TRIM4: variants seen among roughly 807,000 people sequenced by gnomAD.
TRIM4 encodes the protein E3 ubiquitin-protein ligase TRIM4.
Under a neutral mutation model 33.7 loss-of-function variants are expected in TRIM4, and 29 were observed. The observed-to-expected ratio is 0.86, with a 90% CI of 0.64 to 1.17. The LOEUF (loss-of-function observed/expected upper bound fraction) is 1.17. Among genes scored for constraint, TRIM4 ranks in the 50% most tolerant of loss-of-function variants. The probability of loss-of-function intolerance (pLI) is 0.00; values close to 1 mark genes in which losing one functional copy is unlikely to be tolerated. For synonymous variants in TRIM4, 224 were observed against 233.0 expected (o/e 0.96, Z 0.35); for missense variants, 554 against 593.7 (o/e 0.93, Z 0.69).
chr7:99,894,299 A>C (rs922812604), intron 5 of TRIM4, among the ~76,000 whole-genome samples: 1 of 152,208 alleles, frequency 6.6e-6, no homozygotes, highest in Non-Finnish European at 1.5e-5. Context: ...TTCCCTCTTC[A>C]TCAATTTTCA....
chr7:99,909,449 T>A, intron 2 of TRIM4, 116 bp downstream of exon 2: 1 of 778,308 alleles, frequency 1.3e-6, no homozygotes. Context: ...TTCTGAGGCA[T>A]CCAAGACTCT....
intron 1 of TRIM4, 52 bp from the exon 2 acceptor site, chr7:99,909,712 T>G: frequency 8.8e-7 from 1 of 1,132,586 alleles, no homozygotes; most frequent in African/African-American, 1.6e-5. Context: ...ACCATCATCA[T>G]CTTCTTTTTT....
intron 5 of TRIM4, among the ~76,000 whole-genome samples, chr7:99,898,738 T>C (rs1819083120): frequency 6.6e-6 from 1 of 152,200 alleles, no homozygotes; most frequent in African/African-American, 2.4e-5. Context: ...TAAAATCGCA[T>C]GGCCCTGGAT....
chr7:99,894,977 A>G (rs753581827), intron 5 of TRIM4, among the ~76,000 whole-genome samples: 2 of 152,142 alleles, frequency 1.3e-5, no homozygotes. Flanking sequence ...CATTTTGATT[A>G]AAGGTGTGTC....
At chr7:99,893,203 G>T (rs1317389421) in intron 5 of TRIM4, among the ~76,000 whole-genome samples, 1 of 152,140 alleles carries the variant, frequency 6.6e-6, no homozygotes, top group South Asian at 2.1e-4. Context: ...GAAGGCGGAG[G>T]TTGTAGTGAC....
intron 2 of TRIM4, among the ~76,000 whole-genome samples, chr7:99,909,182 CTGTT>C (rs1819380131): frequency 6.6e-6 from 1 of 150,780 alleles, no homozygotes; most frequent in Non-Finnish European, 1.5e-5. Context: ...ATCCATTCAT[CTGTT>C]TCTTTCCACA....
chr7:99,918,454 A>C (rs1819607734), intron 1 of TRIM4, among the ~76,000 whole-genome samples: 1 of 151,922 alleles, frequency 6.6e-6, no homozygotes, highest in Non-Finnish European at 1.5e-5. Flanking sequence ...AATCCCAGCT[A>C]CTCGGGAGGC....
At chr7:99,913,227 T>C (rs2571999) in intron 1 of TRIM4, among the ~76,000 whole-genome samples, 2 of 152,052 alleles carry the variant, frequency 1.3e-5, no homozygotes, top group Admixed American at 1.3e-4. Flanking sequence ...CTGGCCACAG[T>C]TGGAATCTAA....
chr7:99,892,985 A>C (rs1380949690), intron 5 of TRIM4, among the ~76,000 whole-genome samples: 3 of 152,206 alleles, frequency 2.0e-5, no homozygotes, highest in Non-Finnish European at 1.5e-5. Context: ...GCAGTGACTC[A>C]TGCCTGTAAT....
At chr7:99,906,174 G>A (rs1819300036) in intron 3 of TRIM4, among the ~76,000 whole-genome samples, 1 of 152,046 alleles carries the variant, frequency 6.6e-6, no homozygotes, top group Non-Finnish European at 1.5e-5. Flanking sequence ...AAATTAGAGT[G>A]TGAGAAGTCC....
In TRIM4 at chr7:99,908,775, T is replaced by A. The variant is rs781090856; in HGVS notation, c.527A>T (p.Glu176Val). ...CAGGAAGTTGTGCAGCTTTGAAAAC[T>A]CCGTGCTGATTCTCATTCGCTGACT... ...IKSQRMRISTEFSKLHNFLVE... is the reference protein window; with the variant it reads ...IKSQRMRISTVFSKLHNFLVE... The change falls in exon 3 of 6, where the codon GAG (glutamate) becomes GTG (valine). Residue 176 changes from glutamate (E) to valine (V), a missense_variant. This residue lies in a region of TRIM4 where 31 missense variants were observed against 54.8 expected (regional missense o/e 0.57). Coordinates refer to ENST00000349062, the MANE Select transcript of TRIM4 (RefSeq NM_033091.3). The A allele has an allele frequency of 6.2e-6, 10 of 1,614,074 alleles. No homozygotes were observed. In the East Asian group the frequency reaches 2.2e-4, roughly 36 times the overall value.
In TRIM4 at chr7:99,909,700, C is replaced by T. The variant is rs547570227; in HGVS notation, c.394-40G>A. The T allele has an allele frequency of 5.3e-6, 7 of 1,319,408 alleles. No individual in the cohort carries two copies. The Admixed American group carries it at 1.5e-4, about 28-fold the overall frequency. 81.7% of individuals were successfully genotyped at this position (1,319,408 alleles called of 1,614,324 possible). ...ACACACAGGTAAGAAAACACATCTC[C>T]AACCATCATCATCTTCTTTTTTCTT... is the stretch of plus-strand genomic sequence containing the variant. On this transcript the variant is annotated intron_variant, in intron 1 of 5. Coordinates refer to ENST00000349062, the MANE Select transcript of TRIM4 (RefSeq NM_033091.3).
At chr7:99,915,101 C>T (rs957418052) in intron 1 of TRIM4, among the ~76,000 whole-genome samples, 2 of 152,194 alleles carry the variant, frequency 1.3e-5, no homozygotes, top group Non-Finnish European at 2.9e-5. Flanking sequence ...TGAGCCACTG[C>T]GCCTGGCCTA....
chr7:99,896,674 C>G (rs1420367670), intron 5 of TRIM4, among the ~76,000 whole-genome samples: 7 of 152,180 alleles, frequency 4.6e-5, no homozygotes, highest in Admixed American at 2.6e-4. Flanking sequence ...CCACGAGTGC[C>G]AAGACAATGG....
rs1228509399 is a variant in TRIM4, at chr7:99,919,502, TCA to T, written c.-103_-102del. 4 of 1,274,086 alleles carry T rather than the reference TCA, an allele frequency of 3.1e-6. No homozygotes were observed. Among genetic ancestry groups the T allele is most frequent in the Non-Finnish European group, 4.2e-6 (4 of 960,880 alleles). The allele number at this position is 1,274,086 out of a possible 1,614,324, so 78.9% of individuals were successfully genotyped here. The stretch of plus-strand genomic sequence containing the variant: ...AGGCCAGACGACTTCCGAACCGCCG[TCA>T]CCGCCTCACGTAAAAGGGTACAACG... On this transcript the variant is annotated 5_prime_UTR_variant, in exon 1 of 6. Transcript: ENST00000349062.
chr7:99,896,527 C>G (rs1819019797), intron 5 of TRIM4, among the ~76,000 whole-genome samples: 2 of 152,230 alleles, frequency 1.3e-5, no homozygotes, highest in Middle Eastern at 3.2e-3. Flanking sequence ...GACCACCCAG[C>G]ATATAAGTCC....
chr7:99,916,359 G>C (rs1041349584), intron 1 of TRIM4, among the ~76,000 whole-genome samples: 2 of 152,094 alleles, frequency 1.3e-5, no homozygotes, highest in Non-Finnish European at 2.9e-5. Context: ...ATGACTTCAA[G>C]AACAGGCTGA....
chr7:99,897,151 A>G (rs1251514794), intron 5 of TRIM4, among the ~76,000 whole-genome samples: 1 of 152,122 alleles, frequency 6.6e-6, no homozygotes, highest in African/African-American at 2.4e-5. Context: ...CCGTGAAGAG[A>G]TCTAGTGGCA....
chr7:99,905,020 G>A (rs2151647074), intron 3 of TRIM4, among the ~76,000 whole-genome samples: 1 of 150,240 alleles, frequency 6.7e-6, no homozygotes, highest in South Asian at 2.1e-4. Context: ...TACAAAGCGA[G>A]ACGCTGTCTA....
Sources: allele counts gnomAD v4.1 joint callset (sites outside exome capture counted in the v4.1 genomes callset), GRCh38; gene constraint gnomAD v4.1.1; regional missense constraint gnomAD v4.1.1; transcripts MANE v1.5; gene names NCBI Gene and HGNC (gene_info 2026-07-23, HGNC 2026-07-21).